Variants in GULP1 observed in about 807,000 individuals in gnomAD.
GULP1 encodes PTB domain-containing engulfment adapter protein 1.
In GULP1, 19 loss-of-function variants were observed where a neutral mutation model predicts 40.9. That is an observed-to-expected ratio of 0.46 (90% CI 0.32 to 0.68). The LOEUF (loss-of-function observed/expected upper bound fraction) is 0.68. Ranked by LOEUF, GULP1 falls within the 30% of genes least tolerant of loss-of-function variation. The pLI is 0.03. For missense variants in GULP1, 312 were observed against 362.2 expected, an observed-to-expected ratio of 0.86 and a Z score of 1.12; for synonymous variants, 119 against 117.6, an observed-to-expected ratio of 1.01 and a Z score of -0.08.
At chr2:188,295,442 A>C (rs1357667043) in intron 1 of GULP1, among the ~76,000 whole-genome samples, 3 of 152,194 alleles carry the variant, frequency 2.0e-5, no homozygotes. Flanking sequence ...CCAACATATC[A>C]TTTATTGCCT....
chr2:188,563,187 T>C (rs1310132691), intron 7 of GULP1, among the ~76,000 whole-genome samples: 1 of 151,934 alleles, frequency 6.6e-6, no homozygotes, highest in African/African-American at 2.4e-5. Flanking sequence ...ACATTGAAAT[T>C]GGACAAACAA....
intron 4 of GULP1, among the ~76,000 whole-genome samples, chr2:188,511,754 TAATA>T (rs2064571016): frequency 6.6e-6 from 1 of 152,204 alleles, no homozygotes; most frequent in Non-Finnish European, 1.5e-5. Flanking sequence ...AAATACAATG[TAATA>T]AATAATTGTT....
At chr2:188,500,980 A>G (rs148746561) in intron 4 of GULP1, among the ~76,000 whole-genome samples, 1 of 152,068 alleles carries the variant, frequency 6.6e-6, no homozygotes, top group Non-Finnish European at 1.5e-5. Context: ...TTTGTCAGGC[A>G]TGTATTCTGT....
chr2:188,436,188 T>C (rs190875826), intron 2 of GULP1, among the ~76,000 whole-genome samples: 1 of 152,188 alleles, frequency 6.6e-6, no homozygotes, highest in Non-Finnish European at 1.5e-5. Flanking sequence ...CATCACAGCT[T>C]GCCACCTATT....
chr2:188,441,181 C>T (rs971855860), intron 2 of GULP1, among the ~76,000 whole-genome samples: 6 of 152,150 alleles, frequency 3.9e-5, no homozygotes, highest in East Asian at 3.9e-4. Context: ...ACAAAATACT[C>T]GCCCTTATGT....
chr2:188,481,020 T>C (rs1482493415), intron 3 of GULP1, among the ~76,000 whole-genome samples: 2 of 151,998 alleles, frequency 1.3e-5, no homozygotes, highest in Admixed American at 6.6e-5. Context: ...GAATTTACTC[T>C]ATATTTCCTG....
At chr2:188,342,202 G>C (rs180671524) in intron 1 of GULP1, among the ~76,000 whole-genome samples, 1 of 152,188 alleles carries the variant, frequency 6.6e-6, no homozygotes, top group Non-Finnish European at 1.5e-5. Context: ...CTGGAGGCCG[G>C]AAGTTCAAAA....
intron 9 of GULP1, among the ~76,000 whole-genome samples, chr2:188,584,061 T>A (rs930282517): frequency 6.6e-6 from 1 of 152,236 alleles, no homozygotes; most frequent in African/African-American, 2.4e-5. Flanking sequence ...AATTTTCTAT[T>A]GCTTTCTTCT....
intron 7 of GULP1, among the ~76,000 whole-genome samples, chr2:188,566,849 A>G (rs1341621145): frequency 6.6e-6 from 1 of 150,984 alleles, no homozygotes; most frequent in Non-Finnish European, 1.5e-5. Context: ...ATCATAATTT[A>G]GAAGGGAAGC....
At chr2:188,322,400 G>A (rs2040122408) in intron 1 of GULP1, among the ~76,000 whole-genome samples, 1 of 151,866 alleles carries the variant, frequency 6.6e-6, no homozygotes, top group Non-Finnish European at 1.5e-5. Context: ...CTATTCTCAT[G>A]GCATGAACTT....
chr2:188,306,993 G>A (rs1417562715), intron 1 of GULP1, among the ~76,000 whole-genome samples: 2 of 152,178 alleles, frequency 1.3e-5, no homozygotes, highest in Admixed American at 1.3e-4. Context: ...GGAGAATGGC[G>A]TAAATCTGGA....
At chr2:188,414,107 C>T (rs1330179445) in intron 2 of GULP1, among the ~76,000 whole-genome samples, 4 of 151,208 alleles carry the variant, frequency 2.6e-5, no homozygotes, top group Admixed American at 2.6e-4. Flanking sequence ...ATCCCAGCTA[C>T]TCAGGAAGCT....
At chr2:188,393,151 A>G (rs1486320278) in intron 2 of GULP1, among the ~76,000 whole-genome samples, 2 of 151,138 alleles carry the variant, frequency 1.3e-5, no homozygotes, top group Non-Finnish European at 3.0e-5. Context: ...TGTCTTGATG[A>G]TTTATCTAGT....
intron 2 of GULP1, among the ~76,000 whole-genome samples, chr2:188,395,004 T>C (rs1366976830): frequency 1.3e-5 from 2 of 152,202 alleles, no homozygotes; most frequent in South Asian, 4.1e-4. Context: ...CTGTGTTGAA[T>C]AGTTCCAGCT....
In GULP1 at chr2:188,374,758, GA is replaced by G. The variant is rs756951975; in HGVS notation, c.-171-8992del. Among the ~76,000 whole-genome samples the G allele has an allele frequency of 4.9e-3, 685 of 139,182 alleles. 1 individual carries two copies. Among genetic ancestry groups the G allele is most frequent in the African/African-American group, 0.011 (430 of 38,182 alleles). 91.3% of individuals were successfully genotyped at this position (139,182 alleles called of 152,430 possible). A position where few individuals can be genotyped will look rare whatever the true frequency, so the allele number is the denominator to read the frequency against. On this transcript the variant is annotated intron_variant, in intron 1 of 11. Coordinates refer to ENST00000409830, the MANE Select transcript of GULP1 (RefSeq NM_016315.4). The stretch of plus-strand genomic sequence containing the variant: ...GCCAAACATAACTACCAGGAAAGAG[GA>G]AAAAAAAAAAAAGTCTGCAAAGGAA...
intron 2 of GULP1, among the ~76,000 whole-genome samples, chr2:188,446,412 C>T (rs578051813): frequency 6.6e-6 from 1 of 152,154 alleles, no homozygotes; most frequent in Non-Finnish European, 1.5e-5. Context: ...TTTTGGTCAG[C>T]CTGTTACTTG....
At chr2:188,550,644 C>A (rs1028821806) in intron 7 of GULP1, among the ~76,000 whole-genome samples, 4 of 151,500 alleles carry the variant, frequency 2.6e-5, no homozygotes, top group Non-Finnish European at 1.5e-5. Context: ...TCAAAAGAAT[C>A]ATACATTATT....
At chr2:188,555,402 A>G (rs1476791787) in intron 7 of GULP1, among the ~76,000 whole-genome samples, 2 of 152,208 alleles carry the variant, frequency 1.3e-5, no homozygotes, top group Non-Finnish European at 2.9e-5. Context: ...ATATAAGACC[A>G]GTCTAGTGGT....
At chr2:188,399,701 A>ACAAC (rs1467933387) in intron 2 of GULP1, among the ~76,000 whole-genome samples, 2 of 149,286 alleles carry the variant, frequency 1.3e-5, no homozygotes, top group Non-Finnish European at 3.0e-5. Flanking sequence ...AAAAAAAAAA[A>ACAAC]AAAAAAAAAA....
Sources: gnomAD v4.1 joint callset for allele counts (sites outside exome capture counted in the v4.1 genomes callset) on GRCh38, gnomAD v4.1.1 for gene constraint, MANE v1.5 for transcripts, NCBI Gene and HGNC (gene_info 2026-07-23, HGNC 2026-07-21) for gene names.